The following OSBPL8 variants were observed in gnomAD, a reference collection of about 807,000 sequenced individuals.
OSBPL8 encodes the protein oxysterol-binding protein-related protein 8.
A neutral mutation model predicts 125.5 loss-of-function variants in OSBPL8; 59 were observed. The observed-to-expected ratio is 0.47, with a 90% CI of 0.38 to 0.58. The LOEUF (loss-of-function observed/expected upper bound fraction) is 0.58. Among genes scored for constraint, OSBPL8 ranks in the 20% least tolerant of loss-of-function variants. The pLI is 0.00. For synonymous variants in OSBPL8, 330 were observed against 338.9 expected (o/e 0.97, Z 0.29); for missense variants, 758 against 1,047.8 (o/e 0.72, Z 3.82).
chr12:76,480,148 C>A (rs1592756948), intron 2 of OSBPL8, among the ~76,000 whole-genome samples: 1 of 76,642 alleles, frequency 1.3e-5, no homozygotes, highest in South Asian at 4.5e-4. Flanking sequence ...GCCTGGGCAA[C>A]AAGAGTGAAA....
chr12:76,447,586 C>A (rs1418106010), intron 4 of OSBPL8, among the ~76,000 whole-genome samples: 3 of 152,062 alleles, frequency 2.0e-5, no homozygotes, highest in Non-Finnish European at 4.4e-5. Flanking sequence ...TCTTATTGCC[C>A]AGGCTGGAGT....
intron 2 of OSBPL8, among the ~76,000 whole-genome samples, chr12:76,467,045 T>C (rs1479352125): frequency 1.3e-5 from 2 of 152,348 alleles, no homozygotes; most frequent in East Asian, 1.9e-4. Flanking sequence ...CTCTCTGGCA[T>C]TGGCCTGGTA....
intron 1 of OSBPL8, among the ~76,000 whole-genome samples, chr12:76,515,802 T>C (rs1326663831): frequency 6.6e-6 from 1 of 152,092 alleles, no homozygotes; most frequent in African/African-American, 2.4e-5. Context: ...TCTTGATGCA[T>C]GTACTTGGAT....
intron 15 of OSBPL8, 27 bp from the exon 16 acceptor site, chr12:76,378,577 T>C (rs772287607): frequency 4.1e-6 from 6 of 1,481,212 alleles, no homozygotes; most frequent in Middle Eastern, 1.8e-4. Context: ...TTTATTAAAT[T>C]TCACAAAACT....
intron 8 of OSBPL8, among the ~76,000 whole-genome samples, chr12:76,395,997 A>T (rs546689402): frequency 6.7e-6 from 1 of 149,860 alleles, no homozygotes; most frequent in African/African-American, 2.4e-5. Context: ...GTAGAATACT[A>T]TATATATATA....
At chr12:76,419,435 T>G (rs1212128013) in intron 4 of OSBPL8, among the ~76,000 whole-genome samples, 2 of 152,152 alleles carry the variant, frequency 1.3e-5, no homozygotes, top group African/African-American at 4.8e-5. Flanking sequence ...GTAAAATAAC[T>G]GCTTATAATA....
Position 76,459,905 on chromosome 12 carries a change from C to A in OSBPL8, c.43-10G>T, listed in dbSNP as rs146557602. ...TGCTATCACCAAGAAGCTTTTAAGGCAGGGTAATTGAGCAGCAAACAAATA... is the reference window on the plus strand; with the variant it reads ...TGCTATCACCAAGAAGCTTTTAAGGAAGGGTAATTGAGCAGCAAACAAATA... On this transcript the variant is annotated splice_polypyrimidine_tract_variant and intron_variant, in intron 2 of 23. Coordinates refer to ENST00000261183, the MANE Select transcript of OSBPL8 (RefSeq NM_020841.5). 6.2e-7 allele frequency: 1 copy of A among 1,613,428 alleles called. No homozygotes were observed. The highest frequency in any genetic ancestry group is 1.7e-5 in the Admixed American group (1 of 60,004).
intron 4 of OSBPL8, among the ~76,000 whole-genome samples, chr12:76,440,342 G>A (rs769124590): frequency 1.3e-5 from 2 of 151,720 alleles, no homozygotes; most frequent in Non-Finnish European, 2.9e-5. Flanking sequence ...TGGTGGTGAC[G>A]GTATTTTAGA....
chr12:76,456,408 G>C (rs950511502), intron 3 of OSBPL8, among the ~76,000 whole-genome samples: 1 of 152,086 alleles, frequency 6.6e-6, no homozygotes, highest in Non-Finnish European at 1.5e-5. Flanking sequence ...TGTAATCCCA[G>C]CACTTTGGGA....
At chr12:76,467,911 A>G (rs1875661675) in intron 2 of OSBPL8, among the ~76,000 whole-genome samples, 1 of 152,158 alleles carries the variant, frequency 6.6e-6, no homozygotes, top group South Asian at 2.1e-4. Context: ...CAGTCTACCC[A>G]ACATTACCCA....
At chr12:76,386,497 T>C in intron 13 of OSBPL8, 82 bp downstream of exon 13, 2 of 1,377,424 alleles carry the variant, frequency 1.5e-6, no homozygotes, top group South Asian at 1.5e-5. Flanking sequence ...ATGTAACTGT[T>C]AACACACAAT....
rs36035843 is a variant in OSBPL8, at chr12:76,536,816, C to CAA, written c.-68+22579_-68+22580dup. 8.7e-3 allele frequency among the ~76,000 whole-genome samples: 792 copies of CAA among 91,044 alleles called. 16 individuals are homozygous for CAA. The highest frequency in any genetic ancestry group is 0.029 in the African/African-American group (770 of 26,164). 59.7% of individuals were successfully genotyped at this position (91,044 alleles called of 152,430 possible). A position where few individuals can be genotyped will look rare whatever the true frequency, so the allele number is the denominator to read the frequency against. Reference sequence around the variant, plus strand: ...GCAGCAAATCCATATATAGGAGTATCAAAAAAAAAAAAAAAAAAACGAGTA... The same window carrying CAA: ...GCAGCAAATCCATATATAGGAGTATCAAAAAAAAAAAAAAAAAAAAACGAGTA... On this transcript the variant is annotated intron_variant, in intron 1 of 23. Transcript: ENST00000261183.
At chr12:76,372,969 GC>G (rs1486778146) in intron 18 of OSBPL8, among the ~76,000 whole-genome samples, 1 of 152,096 alleles carries the variant, frequency 6.6e-6, no homozygotes, top group Non-Finnish European at 1.5e-5. Context: ...AACTCTCTGT[GC>G]CTCAGTGTCC....
chr12:76,525,568 T>A (rs902899466), intron 1 of OSBPL8, among the ~76,000 whole-genome samples: 1 of 152,112 alleles, frequency 6.6e-6, no homozygotes, highest in African/African-American at 2.4e-5. Flanking sequence ...TATTTGAACT[T>A]TAAAACGTCT....
intron 1 of OSBPL8, among the ~76,000 whole-genome samples, chr12:76,516,903 C>T (rs1346700932): frequency 6.6e-6 from 1 of 151,742 alleles, no homozygotes; most frequent in Non-Finnish European, 1.5e-5. Context: ...CAACCTCCAC[C>T]TCCTGGGTTC....
At chr12:76,497,146 A>C (rs1454745654) in intron 1 of OSBPL8, among the ~76,000 whole-genome samples, 4 of 152,194 alleles carry the variant, frequency 2.6e-5, no homozygotes, top group Middle Eastern at 3.2e-3. Context: ...TTTTAACTAA[A>C]GGGAGATAGA....
intron 4 of OSBPL8, among the ~76,000 whole-genome samples, chr12:76,431,730 C>T (rs1870851529): frequency 6.6e-6 from 1 of 152,054 alleles, no homozygotes; most frequent in African/African-American, 2.4e-5. Flanking sequence ...CACCCAACTT[C>T]AATGCACCTA....
intron 1 of OSBPL8, among the ~76,000 whole-genome samples, chr12:76,556,109 G>C (rs1951088931): frequency 6.6e-6 from 1 of 152,048 alleles, no homozygotes; most frequent in Admixed American, 6.6e-5. Context: ...CTTGCATTTA[G>C]TTTGGACTAC....
chr12:76,556,658 C>T (rs1169003590), intron 1 of OSBPL8, among the ~76,000 whole-genome samples: 2 of 152,000 alleles, frequency 1.3e-5, no homozygotes, highest in African/African-American at 4.8e-5. Flanking sequence ...TTCTCAGAGG[C>T]TTTTTGTTTT....
Sources: allele counts gnomAD v4.1 joint callset (sites outside exome capture counted in the v4.1 genomes callset), GRCh38; gene constraint gnomAD v4.1.1; transcripts MANE v1.5; gene names NCBI Gene and HGNC (gene_info 2026-07-23, HGNC 2026-07-21).